PDSS2: variants seen among roughly 807,000 people sequenced by gnomAD.
The protein encoded by PDSS2 is decaprenyl diphosphate synthase subunit 2, also known as all trans-polyprenyl-diphosphate synthase PDSS2.
In PDSS2, 31 loss-of-function variants were observed where a neutral mutation model predicts 44.5. The observed-to-expected ratio is 0.70, with a 90% CI of 0.52 to 0.94. The LOEUF is 0.94. Among genes scored for constraint, PDSS2 ranks in the 40% least tolerant of loss-of-function variants. The pLI, the probability that PDSS2 is intolerant of heterozygous loss-of-function variation, is 0.00. For synonymous variants in PDSS2, 157 were observed against 180.3 expected (o/e 0.87, Z 1.03); for missense variants, 452 against 482.2 (o/e 0.94, Z 0.59).
chr6:107,320,171 T>C (rs1159113122), intron 2 of PDSS2, among the ~76,000 whole-genome samples: 7 of 152,338 alleles, frequency 4.6e-5, no homozygotes, highest in Admixed American at 4.6e-4. Context: ...TATTGGATAG[T>C]GTTCAAGTGA....
At chr6:107,407,370 A>C (rs1780353730) in intron 1 of PDSS2, among the ~76,000 whole-genome samples, 1 of 152,248 alleles carries the variant, frequency 6.6e-6, no homozygotes, top group African/African-American at 2.4e-5. Context: ...TGATAGTTGC[A>C]AAACAATGTG....
chr6:107,322,642 G>T (rs879475712), intron 2 of PDSS2, among the ~76,000 whole-genome samples: 13 of 152,280 alleles, frequency 8.5e-5, no homozygotes, highest in Non-Finnish European at 1.9e-4. Context: ...CCAGGAGTCT[G>T]AGACAGGCCT....
chr6:107,437,561 G>A (rs1170250767), intron 1 of PDSS2, among the ~76,000 whole-genome samples: 1 of 148,306 alleles, frequency 6.7e-6, no homozygotes, highest in African/African-American at 2.5e-5. Context: ...ATTTACAGTC[G>A]TGCCTTGTTA....
chr6:107,262,158 C>T (rs541529715), intron 3 of PDSS2, among the ~76,000 whole-genome samples: 5 of 148,778 alleles, frequency 3.4e-5, no homozygotes, highest in South Asian at 2.2e-4. Context: ...TCTGCCCGCG[C>T]GGCCTCCCAA....
intron 1 of PDSS2, among the ~76,000 whole-genome samples, chr6:107,406,278 A>T (rs2114625073): frequency 6.6e-6 from 1 of 152,284 alleles, no homozygotes; most frequent in East Asian, 1.9e-4. Context: ...TTGGTTCCAA[A>T]TGTTATTATT....
At position 107,459,074 on chromosome 6, in the gene PDSS2, C is replaced by T. The variant is rs745852734; in HGVS notation, c.212G>A (p.Cys71Tyr). 5 of 1,614,112 alleles carry T rather than the reference C, an allele frequency of 3.1e-6. No homozygotes were observed. Among genetic ancestry groups the T allele is most frequent in the Non-Finnish European group, 4.2e-6 (5 of 1,180,004 alleles). ...GTTGCTGAGCTCGTCGCTCAGCAGG[C>T]AGCGAAGGCTCATGAAGGACGTGGG... ...GYPTSFMSLRCLLSDELSNIA... is the reference protein window; with the variant it reads ...GYPTSFMSLRYLLSDELSNIA... Residue 71 changes from cysteine to tyrosine, a missense_variant, in exon 1 of 8, where the codon TGC (cysteine) becomes TAC (tyrosine). Cys to Tyr is a radical substitution (Grantham distance 194, BLOSUM62 -2). Coordinates refer to ENST00000369037, the MANE Select transcript of PDSS2 (RefSeq NM_020381.4). This position sits in a 1 kb window ranked among gnomAD's most constrained non-coding sequence, Gnocchi z 4.3.
chr6:107,215,518 G>C (rs964670837), intron 4 of PDSS2, among the ~76,000 whole-genome samples: 1 of 152,190 alleles, frequency 6.6e-6, no homozygotes, highest in African/African-American at 2.4e-5. Flanking sequence ...TCAGGAGTAA[G>C]ACAGAGATGC....
At chr6:107,273,163 T>A (rs936979434) in intron 3 of PDSS2, among the ~76,000 whole-genome samples, 1 of 152,004 alleles carries the variant, frequency 6.6e-6, no homozygotes, top group African/African-American at 2.4e-5. Context: ...TTTTTATTTT[T>A]AGTAGAGACG....
intron 2 of PDSS2, among the ~76,000 whole-genome samples, chr6:107,275,528 G>A (rs1229293606): frequency 6.6e-6 from 1 of 152,088 alleles, no homozygotes; most frequent in Non-Finnish European, 1.5e-5. Context: ...AGGAAAGCCT[G>A]ATAAGTGCCT....
intron 5 of PDSS2, among the ~76,000 whole-genome samples, chr6:107,211,463 G>T (rs946982971): frequency 2.0e-5 from 3 of 151,986 alleles, no homozygotes; most frequent in Admixed American, 6.6e-5. Flanking sequence ...CAGGCGTGGT[G>T]GCTCACACCT....
rs547537273 is a variant in PDSS2 at position 107,246,644 on chromosome 6, G to A, written c.631-1025C>T. Among the ~76,000 whole-genome samples the A allele has an allele frequency of 6.6e-4, 100 of 152,060 alleles. 1 individual carries two copies. Among genetic ancestry groups the A allele is most frequent in the African/African-American group, 2.0e-3 (81 of 41,494 alleles). ...AGATACTTCAATCTCAGGTACCCTG[G>A]GTTTAATAAACATTTTCTTAGAGGC... is the stretch of plus-strand genomic sequence containing the variant. On this transcript the variant is annotated intron_variant, in intron 3 of 7. Transcript: ENST00000369037.
chr6:107,228,319 A>G (rs1227334024), intron 4 of PDSS2, among the ~76,000 whole-genome samples: 1 of 152,184 alleles, frequency 6.6e-6, no homozygotes, highest in African/African-American at 2.4e-5. Flanking sequence ...ACCACTTTGC[A>G]TATTTAATCT....
At chr6:107,293,070 C>A (rs73762203) in intron 2 of PDSS2, among the ~76,000 whole-genome samples, 4,269 of 152,258 alleles carry the variant, frequency 0.028, 200 homozygotes, top group African/African-American at 0.098. Flanking sequence ...TTGCTCTGGG[C>A]AGACTGAGCT....
rs968404855 is a variant in PDSS2, at chr6:107,264,429, T to C, written c.630+9600A>G. On this transcript the variant is annotated intron_variant, in intron 3 of 7. Transcript: ENST00000369037. Reference sequence around the variant, plus strand: ...ACCTCCAGGAGTGACATCATGACAATGCTCTTGGGTGTTTAGACAAGATCC... The same window carrying C: ...ACCTCCAGGAGTGACATCATGACAACGCTCTTGGGTGTTTAGACAAGATCC... The C allele has an allele frequency of 9.2e-5, 142 of 1,549,426 alleles. 1 individual carries two copies. In the East Asian group the frequency reaches 3.3e-3, roughly 36 times the overall value.
chr6:107,418,837 T>C (rs1780741965), intron 1 of PDSS2, among the ~76,000 whole-genome samples: 1 of 152,178 alleles, frequency 6.6e-6, no homozygotes, highest in South Asian at 2.1e-4. Flanking sequence ...ACTAGCTTCG[T>C]GATCATTTGT....
intron 1 of PDSS2, among the ~76,000 whole-genome samples, chr6:107,353,164 T>C (rs1453401594): frequency 1.3e-5 from 2 of 151,854 alleles, no homozygotes; most frequent in Admixed American, 6.6e-5. Context: ...TTTAAGACAC[T>C]GAAAAAAAAA....
rs559291920 is a variant in PDSS2 at position 107,426,030 on chromosome 6, C to A, written c.296+32960G>T. On this transcript the variant is annotated intron_variant, in intron 1 of 7. Coordinates refer to ENST00000369037, the MANE Select transcript of PDSS2 (RefSeq NM_020381.4). ...AAGCTGCAGAAATTTGCACATGTAA[C>A]AAGGAGCCAAATGTTAATCACCAAG... Among the ~76,000 whole-genome samples the A allele has an allele frequency of 6.6e-5, 10 of 151,664 alleles. No homozygotes were observed. The East Asian group carries it at 1.5e-3, about 23-fold the overall frequency.
intron 1 of PDSS2, among the ~76,000 whole-genome samples, chr6:107,428,360 C>G (rs1211527573): frequency 6.6e-6 from 1 of 152,166 alleles, no homozygotes; most frequent in Non-Finnish European, 1.5e-5. Context: ...TATCTTCAAC[C>G]ATGATGTTCT....
intron 1 of PDSS2, among the ~76,000 whole-genome samples, chr6:107,407,226 A>T (rs1780349475): frequency 6.6e-6 from 1 of 152,254 alleles, no homozygotes; most frequent in Non-Finnish European, 1.5e-5. Context: ...GATTCTACTT[A>T]TATGTGGTAT....
Sources: gnomAD v4.1 joint callset for allele counts (sites outside exome capture counted in the v4.1 genomes callset) on GRCh38, gnomAD v4.1.1 for gene constraint, Gnocchi (gnomAD v3.1) non-coding constraint, MANE v1.5 for transcripts, NCBI Gene and HGNC (gene_info 2026-07-23, HGNC 2026-07-21) for gene names.